SLC45A4: variants seen among roughly 807,000 people sequenced by gnomAD.
SLC45A4 encodes polyamine-transporter SLC45A4.
Under a neutral mutation model 63.7 loss-of-function variants are expected in SLC45A4, and 32 were observed. The observed-to-expected ratio is 0.50, with a 90% CI of 0.38 to 0.67. The LOEUF is 0.67. Ranked by LOEUF, SLC45A4 falls within the 30% of genes least tolerant of loss-of-function variation. The pLI is 0.00. For synonymous variants in SLC45A4, 535 were observed against 510.0 expected (o/e 1.05, Z -0.66); for missense variants, 1,027 against 1,157.7 (o/e 0.89, Z 1.64).
intron 2 of SLC45A4, 77 bp downstream of exon 2, chr8:141,253,912 C>A: frequency 2.6e-6 from 4 of 1,509,860 alleles, no homozygotes; most frequent in Non-Finnish European, 1.8e-6. Flanking sequence ...TCCTCTGCCT[C>A]CAGAGGATCA....
chr8:141,230,050 A>C (rs748194174), intron 2 of SLC45A4: 2 of 456,144 alleles, frequency 4.4e-6, no homozygotes, highest in Middle Eastern at 3.2e-4. Flanking sequence ...TTACACGATG[A>C]TAAGAAAGTT....
intron 2 of SLC45A4, among the ~76,000 whole-genome samples, chr8:141,231,499 C>T (rs1467489255): frequency 6.6e-6 from 1 of 152,224 alleles, no homozygotes; most frequent in African/African-American, 2.4e-5. Context: ...GGGGCTGCTC[C>T]AAGAGGGCCG....
intron 2 of SLC45A4, among the ~76,000 whole-genome samples, chr8:141,223,747 C>A (rs1445550891): frequency 1.3e-5 from 2 of 152,248 alleles, no homozygotes; most frequent in African/African-American, 4.8e-5. Context: ...GTTTTCCACA[C>A]AGCATTGAAG....
chr8:141,217,784 C>A (rs1826254971), intron 5 of SLC45A4, among the ~76,000 whole-genome samples: 1 of 152,230 alleles, frequency 6.6e-6, no homozygotes, highest in Admixed American at 6.5e-5. Flanking sequence ...TCACCGCGGG[C>A]CTCACTGCAA....
chr8:141,267,518 T>C (rs1212170272), intron 1 of SLC45A4, among the ~76,000 whole-genome samples: 1 of 152,212 alleles, frequency 6.6e-6, no homozygotes, highest in African/African-American at 2.4e-5. Context: ...CTGTGTGAGA[T>C]GGATTCTTAT....
intron 3 of SLC45A4, among the ~76,000 whole-genome samples, chr8:141,221,023 T>C (rs1826589842): frequency 6.6e-6 from 1 of 152,244 alleles, no homozygotes; most frequent in South Asian, 2.1e-4. Context: ...CTTAACTCCC[T>C]CAGCTCCCTC....
At chr8:141,219,993 A>T (rs894344500) in intron 3 of SLC45A4, among the ~76,000 whole-genome samples, 164 bp from the exon 4 acceptor site, 2 of 152,236 alleles carry the variant, frequency 1.3e-5, no homozygotes, top group African/African-American at 4.8e-5. Flanking sequence ...GGCAGCGGAA[A>T]GGAGTTGGGC....
intron 1 of SLC45A4, among the ~76,000 whole-genome samples, chr8:141,273,474 T>G (rs1306210278): frequency 6.6e-6 from 1 of 152,116 alleles, no homozygotes; most frequent in Non-Finnish European, 1.5e-5. Flanking sequence ...TCGCGGTTAC[T>G]TTAGGAGCAA....
At chr8:141,299,679 A>G (rs1830681442) in intron 1 of SLC45A4, among the ~76,000 whole-genome samples, 2 of 152,246 alleles carry the variant, frequency 1.3e-5, no homozygotes, top group South Asian at 4.1e-4. Context: ...CAGTTATTCT[A>G]GTACTCCTGG....
At chr8:141,263,407 G>A (rs1829120959) in intron 1 of SLC45A4, among the ~76,000 whole-genome samples, 1 of 151,276 alleles carries the variant, frequency 6.6e-6, no homozygotes, top group Non-Finnish European at 1.5e-5. Context: ...AAGAAATAAA[G>A]TCAACATAAA....
At chr8:141,212,808 G>T (rs1268866583) in intron 7 of SLC45A4, among the ~76,000 whole-genome samples, 1 of 152,198 alleles carries the variant, frequency 6.6e-6, no homozygotes, top group Non-Finnish European at 1.5e-5. Context: ...CAGTCGGGAC[G>T]TGGGCTTCCC....
intron 2 of SLC45A4, among the ~76,000 whole-genome samples, chr8:141,249,665 G>A (rs1828374827): frequency 6.6e-6 from 1 of 152,170 alleles, no homozygotes. Context: ...CTGTCAAACT[G>A]CCCGGAGTGA....
chr8:141,235,066 G>C (rs987237406), intron 2 of SLC45A4, among the ~76,000 whole-genome samples: 1 of 152,168 alleles, frequency 6.6e-6, no homozygotes, highest in Non-Finnish European at 1.5e-5. Context: ...CTTCATCTCC[G>C]AGTGAAGGTG....
intron 2 of SLC45A4, among the ~76,000 whole-genome samples, chr8:141,238,990 G>A (rs924851082): frequency 6.6e-6 from 1 of 152,214 alleles, no homozygotes; most frequent in Non-Finnish European, 1.5e-5. Context: ...GCTCATCCGA[G>A]TTAGTATAGG....
chr8:141,230,983 T>C (rs1268903705), intron 2 of SLC45A4, among the ~76,000 whole-genome samples: 1 of 151,736 alleles, frequency 6.6e-6, no homozygotes, highest in Admixed American at 6.6e-5. Flanking sequence ...CAACAGCGTG[T>C]GACACCCAGT....
intron 1 of SLC45A4, among the ~76,000 whole-genome samples, chr8:141,306,425 C>A (rs947343112): frequency 7.3e-6 from 1 of 136,714 alleles, no homozygotes; most frequent in Admixed American, 7.8e-5. Context: ...TGAGTCTCCT[C>A]CACCCGGAAC....
intron 2 of SLC45A4, among the ~76,000 whole-genome samples, chr8:141,250,832 T>C (rs1828431137): frequency 6.6e-6 from 1 of 152,214 alleles, no homozygotes; most frequent in South Asian, 2.1e-4. Flanking sequence ...GCATCTGTAT[T>C]TGTCCTCCTA....
rs59647554 is a variant in SLC45A4, at chr8:141,218,281, G to A, written c.1359C>T (p.Arg453=). 1,222 of 1,604,492 alleles carry A rather than the reference G, an allele frequency of 7.6e-4. 6 individuals are homozygous for A. The African/African-American group carries it at 8.1e-3, about 11-fold the overall frequency. Residue 453 remains arginine (R), a synonymous_variant, in exon 5 of 9, where the codon CGC becomes CGT. Transcript: ENST00000517878. ...ANAVVLIKPS[R]SMSDLYDMQK... ...GCATGTCGTACAGGTCGCTCATGCTGCGCGACGGCTTGATCAGCACCACGG... is the reference window on the plus strand; with the variant it reads ...GCATGTCGTACAGGTCGCTCATGCTACGCGACGGCTTGATCAGCACCACGG...
Position 141,219,034 on chromosome 8 carries a change from G to C in SLC45A4, c.611-5C>G, listed in dbSNP as rs764267292. Reference sequence around the variant, plus strand: ...AGCCGATGGCTCCGCCGAGGCCTGCGTGGGAGGAAGCAGCAGCCGGTGAGC... The same window carrying C: ...AGCCGATGGCTCCGCCGAGGCCTGCCTGGGAGGAAGCAGCAGCCGGTGAGC... On this transcript the variant is annotated splice_region_variant and splice_polypyrimidine_tract_variant and intron_variant, in intron 4 of 8. Transcript: ENST00000517878. 1 of 1,603,796 alleles carries C rather than the reference G, an allele frequency of 6.2e-7. No individual in the cohort carries two copies. Among genetic ancestry groups the C allele is most frequent in the Admixed American group, 1.7e-5 (1 of 59,552 alleles).
Sources: gnomAD v4.1 joint callset for allele counts (sites outside exome capture counted in the v4.1 genomes callset) on GRCh38, gnomAD v4.1.1 for gene constraint, MANE v1.5 for transcripts, NCBI Gene and HGNC (gene_info 2026-07-23, HGNC 2026-07-21) for gene names.